Variants in ATXN3 observed in about 807,000 individuals in gnomAD.
The protein encoded by ATXN3 is ataxin-3.
ATXN3 carries 28 observed loss-of-function variants against 58.2 expected under a neutral mutation model. The ratio of observed to expected loss-of-function variants is 0.48; its 90% CI spans 0.36 to 0.66. The LOEUF is 0.66. Ranked by LOEUF, ATXN3 falls within the 30% of genes least tolerant of loss-of-function variation. ATXN3 has a pLI of 0.00. For missense variants in ATXN3, 321 were observed against 422.1 expected (o/e 0.76, Z 2.10); for synonymous variants, 113 against 138.5 (o/e 0.82, Z 1.29).
chr14:92,074,525 A>G lies in ATXN3; in HGVS notation c.873-3472T>C, dbSNP rs1182149400. 2.0e-5 allele frequency among the ~76,000 whole-genome samples: 3 copies of G among 152,194 alleles called. No individual in the cohort carries two copies. In the East Asian group the frequency reaches 5.8e-4, roughly 29 times the overall value. ...TTTCTATGCCAAGGATCATTGCTAT[A>G]GCAGTATGTTCTTAAATTTAATATC... On this transcript the variant is annotated intron_variant, in intron 9 of 10. Transcript: ENST00000644486.
chr14:92,106,411 G>T, intron 1 of ATXN3, 118 bp downstream of exon 1: 1 of 1,354,016 alleles, frequency 7.4e-7, no homozygotes. Context: ...GCCCCTCGCC[G>T]GGCGAGATCG....
intron 9 of ATXN3, among the ~76,000 whole-genome samples, chr14:92,073,249 C>T (rs1051121189): frequency 6.6e-6 from 1 of 152,244 alleles, no homozygotes; most frequent in African/African-American, 2.4e-5. Context: ...TAGACACCTT[C>T]CAGCTGTGAA....
In ATXN3 at chr14:92,093,766, C is replaced by CT; in HGVS notation, c.299dup (p.Arg101GlufsTer9). ...CTTACATAGGATCGATCCTGAGCCT[C>CT]TGATACTCTGGACTGTTGAACAGGA... On this transcript the variant is annotated frameshift_variant, in exon 4 of 11. Coordinates refer to ENST00000644486, the MANE Select transcript of ATXN3 (RefSeq NM_004993.6). LOFTEE classifies it high-confidence loss of function. 6.2e-7 allele frequency: 1 copy of CT among 1,610,548 alleles called. No individual in the cohort carries two copies.
At chr14:92,045,144 T>A (rs2057420332) in intron 2 of ATXN3, among the ~76,000 whole-genome samples, 2 of 152,174 alleles carry the variant, frequency 1.3e-5, no homozygotes, top group Admixed American at 1.3e-4. Context: ...TCTAATTCTG[T>A]GAAGGGCAAG....
At chr14:92,086,381 G>A (rs2062538041) in intron 6 of ATXN3, among the ~76,000 whole-genome samples, 1 of 151,670 alleles carries the variant, frequency 6.6e-6, no homozygotes, top group Non-Finnish European at 1.5e-5. Context: ...TAACAAACAT[G>A]GAGAAACCCC....
In ATXN3 at chr14:92,071,394, G is replaced by C. The variant is rs56116379; in HGVS notation, c.873-341C>G. 6.3e-3 allele frequency among the ~76,000 whole-genome samples: 961 copies of C among 152,138 alleles called. 13 individuals are homozygous for C. The highest frequency in any genetic ancestry group is 0.021 in the African/African-American group (889 of 41,498). On this transcript the variant is annotated intron_variant, in intron 9 of 10. Transcript: ENST00000644486. ...GTGGATGGCTTGAGGTCAGAAGTTTGACACGAGCCTGGACAACACGGTGAA... is the reference window on the plus strand; with the variant it reads ...GTGGATGGCTTGAGGTCAGAAGTTTCACACGAGCCTGGACAACACGGTGAA...
In ATXN3 at chr14:92,096,330, T is replaced by C. The variant is rs781563953; in HGVS notation, c.190-193A>G. The C allele has an allele frequency of 5.5e-4, 798 of 1,454,018 alleles. 2 individuals are homozygous for C. Among genetic ancestry groups the C allele is most frequent in the Middle Eastern group, 3.7e-3 (16 of 4,362 alleles). The allele number at this position is 1,454,018 out of a possible 1,614,324, so 90.1% of individuals were successfully genotyped here. ...CTTTTCTAAATGGTATCCACATTTT[T>C]AAAAGAAATGTAAGCCGGGTGTGGT... On this transcript the variant is annotated intron_variant, in intron 2 of 10. Coordinates refer to ENST00000644486, the MANE Select transcript of ATXN3 (RefSeq NM_004993.6).
chr14:92,048,669 A>T (rs1400605759), intron 1 of ATXN3, among the ~76,000 whole-genome samples: 3 of 152,158 alleles, frequency 2.0e-5, no homozygotes, highest in Non-Finnish European at 4.4e-5. Context: ...TTGGGCAGGT[A>T]GGGGAGGGCT....
At chr14:92,102,096 T>C (rs578238563) in intron 1 of ATXN3, among the ~76,000 whole-genome samples, 48 of 151,862 alleles carry the variant, frequency 3.2e-4, no homozygotes, top group African/African-American at 1.1e-3. Context: ...GAGGTTGCAG[T>C]GAGCTGAGTT....
intron 1 of ATXN3, among the ~76,000 whole-genome samples, chr14:92,099,993 A>T (rs1028160083): frequency 2.0e-5 from 3 of 152,220 alleles, no homozygotes; most frequent in Admixed American, 2.0e-4. Flanking sequence ...TAGGCAAGAC[A>T]AACAAGCACT....
intron 1 of ATXN3, among the ~76,000 whole-genome samples, chr14:92,103,811 C>A (rs1354907369): frequency 6.6e-6 from 1 of 152,166 alleles, no homozygotes; most frequent in East Asian, 1.9e-4. Context: ...CCTTCGTAGG[C>A]AGATATTGCT....
chr14:92,085,028 C>A (rs1403060205), intron 6 of ATXN3, among the ~76,000 whole-genome samples: 1 of 151,928 alleles, frequency 6.6e-6, no homozygotes, highest in African/African-American at 2.4e-5. Flanking sequence ...AGAGTTTAGA[C>A]GGTTTAATGT....
Position 92,070,960 on chromosome 14 carries a change from A to G in ATXN3, c.966T>C (p.Ser322=), listed in dbSNP as rs2059332861. Residue 322 remains serine (S), a synonymous_variant, in exon 10 of 11, where the codon AGT becomes AGC. Transcript: ENST00000644486. The part of the protein sequence containing the change: ...SSHPCERPAT[S]SGALGSDLGD... ...CTAGATCACTCCCAAGTGCTCCTGA[A>G]CTGGTGGCTGGCCTTTCACATGGAT... is the stretch of plus-strand genomic sequence containing the variant. 1.4e-6 allele frequency: 2 copies of G among 1,414,452 alleles called. No individual in the cohort carries two copies. Among genetic ancestry groups the G allele is most frequent in the South Asian group, 2.8e-5 (2 of 70,570 alleles). The allele number at this position is 1,414,452 out of a possible 1,614,324, so 87.6% of individuals were successfully genotyped here. A position where few individuals can be genotyped will look rare whatever the true frequency, so the allele number is the denominator to read the frequency against.
intron 10 of ATXN3, among the ~76,000 whole-genome samples, chr14:92,067,102 GT>G (rs1310354548): frequency 6.6e-6 from 1 of 151,868 alleles, no homozygotes; most frequent in Non-Finnish European, 1.5e-5. Context: ...TAGAAAAAAT[GT>G]TGTATGTACC....
intron 1 of ATXN3, among the ~76,000 whole-genome samples, chr14:92,097,202 C>A (rs1354361539): frequency 6.6e-6 from 1 of 151,642 alleles, no homozygotes; most frequent in East Asian, 1.9e-4. Flanking sequence ...AGCCACTGCG[C>A]CCGGCTCCCC....
intron 1 of ATXN3, among the ~76,000 whole-genome samples, chr14:92,102,079 G>C (rs1206328335): frequency 6.6e-6 from 1 of 152,044 alleles, no homozygotes; most frequent in Admixed American, 6.6e-5. Flanking sequence ...CTTGAACTCA[G>C]GAGACGGAGG....
At chr14:92,079,659 A>C (rs1205121461) in intron 9 of ATXN3, among the ~76,000 whole-genome samples, 1 of 152,238 alleles carries the variant, frequency 6.6e-6, no homozygotes, top group Non-Finnish European at 1.5e-5. Flanking sequence ...ATAGTAAGTC[A>C]GATTGAGCTA....
chr14:92,064,394 C>A lies in ATXN3; in HGVS notation c.1012G>T (p.Asp338Tyr), dbSNP rs142718363. The change falls in exon 11 of 11, where the codon GAC becomes TAC. Residue 338 changes from aspartate to tyrosine, a missense_variant. By Grantham distance (160) the Asp-to-Tyr change is radical. Around this residue, in one of 2 missense-constraint regions of ATXN3, gnomAD observed 200 missense variants for 223.2 expected, o/e 0.90. Coordinates refer to ENST00000644486, the MANE Select transcript of ATXN3 (RefSeq NM_004993.6). ...SDLGDAMSEE[D>Y]MLQAAVTMSL... ...ATGGTCACAGCTGCCTGAAGCATGT[C>A]TTCTTCACTCATAGCATCACCTGTT... is the stretch of plus-strand genomic sequence containing the variant. 6.2e-7 allele frequency: 1 copy of A among 1,612,616 alleles called. No individual in the cohort carries two copies. Among genetic ancestry groups the A allele is most frequent in the Non-Finnish European group, 8.5e-7 (1 of 1,179,100 alleles).
intron 1 of ATXN3, among the ~76,000 whole-genome samples, chr14:92,097,582 G>A (rs1400747974): frequency 6.6e-6 from 1 of 150,672 alleles, no homozygotes; most frequent in Admixed American, 6.6e-5. Flanking sequence ...CTGGAGTGCA[G>A]TGGCATGATC....
Sources: allele counts gnomAD v4.1 joint callset (sites outside exome capture counted in the v4.1 genomes callset), GRCh38; gene constraint gnomAD v4.1.1; regional missense constraint gnomAD v4.1.1; transcripts MANE v1.5; gene names NCBI Gene and HGNC (gene_info 2026-07-23, HGNC 2026-07-21).